The following SP110 variants were observed in gnomAD, a reference collection of about 807,000 sequenced individuals.
SP110 encodes the protein interferon-induced protein 41, 30kD.
In SP110, 62 loss-of-function variants were observed where a neutral mutation model predicts 92.7. The ratio of observed to expected loss-of-function variants is 0.67; its 90% CI spans 0.55 to 0.83. The LOEUF (loss-of-function observed/expected upper bound fraction) is 0.83. Among genes scored for constraint, SP110 ranks in the 40% least tolerant of loss-of-function variants. The probability of loss-of-function intolerance (pLI) is 0.00; values close to 1 mark genes in which losing one functional copy is unlikely to be tolerated. For synonymous variants in SP110, 273 were observed against 305.3 expected, an observed-to-expected ratio of 0.89 and a Z score of 1.10; for missense variants, 793 against 863.9, an observed-to-expected ratio of 0.92 and a Z score of 1.03.
chr2:230,200,236 A>G (rs1285932723), intron 10 of SP110, among the ~76,000 whole-genome samples: 1 of 152,204 alleles, frequency 6.6e-6, no homozygotes, highest in Non-Finnish European at 1.5e-5. Context: ...TTTTGTGACA[A>G]TGACCATATC....
At chr2:230,210,145 C>T in intron 6 of SP110, 137 bp from the exon 7 acceptor site, 3 of 742,086 alleles carry the variant, frequency 4.0e-6, no homozygotes, top group Non-Finnish European at 7.4e-6. Context: ...TAAGAATTCC[C>T]TGGCTCTGTC....
intron 7 of SP110, among the ~76,000 whole-genome samples, chr2:230,208,750 G>A (rs113390243): frequency 6.6e-6 from 1 of 152,238 alleles, no homozygotes; most frequent in Non-Finnish European, 1.5e-5. Flanking sequence ...ACTCTGCCCT[G>A]CTGTGGAACT....
intron 7 of SP110, among the ~76,000 whole-genome samples, 159 bp from the exon 8 acceptor site, chr2:230,208,218 G>T (rs2044089860): frequency 6.6e-6 from 1 of 152,182 alleles, no homozygotes; most frequent in African/African-American, 2.4e-5. Context: ...GGGGAAGAAG[G>T]ACTCTAAAAT....
chr2:230,175,133 G>A (rs2041798363), intron 14 of SP110, among the ~76,000 whole-genome samples: 2 of 152,064 alleles, frequency 1.3e-5, no homozygotes, highest in South Asian at 2.1e-4. Context: ...ATATGTCCCT[G>A]TGATCTCATC....
In SP110 at chr2:230,170,668, C is replaced by G; in HGVS notation, c.1981G>C (p.Val661Leu). 1 of 1,614,156 alleles carries G rather than the reference C, an allele frequency of 6.2e-7. No individual in the cohort carries two copies. Among genetic ancestry groups the G allele is most frequent in the Non-Finnish European group, 8.5e-7 (1 of 1,180,020 alleles). Residue 661 changes from valine (V) to leucine (L), a missense_variant, in exon 18 of 19, where the codon GTG becomes CTG. Val to Leu is a conservative substitution (Grantham distance 32, BLOSUM62 1). Transcript: ENST00000258381. The stretch of plus-strand genomic sequence containing the variant: ...CGAAACATCAGGCGCATGTCTCGCA[C>G]AAACCATGCCACCGTGTACATTTCC... ...ITEMYTVAWF[V>L]RDMRLMFRNH...
Position 230,186,016 on chromosome 2 carries a change from A to G in SP110, c.1257T>C (p.Cys419=), listed in dbSNP as rs1316923415. ...TACCTTTCAATCTGGACTTTCGGGC[A>G]CATTTAGTTCTTGCCTTTTGGACCC... ...MMRVQKARTK[C]ARKSRLKEKK... is the part of the protein sequence containing the mutation. The change falls in exon 11 of 19, where the codon TGT becomes TGC. Residue 419 remains cysteine (C), a synonymous_variant. Transcript: ENST00000258381. The G allele has an allele frequency of 6.2e-7, 1 of 1,614,016 alleles. No individual in the cohort carries two copies. The highest frequency in any genetic ancestry group is 1.3e-5 in the African/African-American group (1 of 74,902).
At chr2:230,194,123 A>G (rs2042756492) in intron 10 of SP110, among the ~76,000 whole-genome samples, 1 of 152,124 alleles carries the variant, frequency 6.6e-6, no homozygotes, top group African/African-American at 2.4e-5. Flanking sequence ...AGATTGAGGC[A>G]TGCTGGGAAC....
chr2:230,173,861 G>C (rs990349370), intron 14 of SP110: 1 of 152,192 alleles, frequency 6.6e-6, no homozygotes, highest in Non-Finnish European at 1.5e-5. Context: ...TATTTCAACA[G>C]ATCTCAGCTG....
chr2:230,197,366 C>A (rs1360120585), intron 10 of SP110, among the ~76,000 whole-genome samples: 1 of 151,382 alleles, frequency 6.6e-6, no homozygotes, highest in Non-Finnish European at 1.5e-5. Flanking sequence ...TGTTCATATC[C>A]TTCGCCCACT....
upstream of SP110, among the ~76,000 whole-genome samples, chr2:230,221,194 T>C (rs972414097): frequency 5.3e-5 from 8 of 151,734 alleles, no homozygotes; most frequent in Non-Finnish European, 1.0e-4. Context: ...GGCAGGAGAA[T>C]TGCTTGAACC....
intron 14 of SP110, 80 bp from the exon 15 acceptor site, chr2:230,173,039 C>CTGTGGG: frequency 2.1e-6 from 2 of 955,604 alleles, no homozygotes; most frequent in South Asian, 2.7e-5. Flanking sequence ...TAGAACACAT[C>CTGTGGG]ATTTTTGTGT....
chr2:230,170,057 T>C (rs775164225), intron 18 of SP110, among the ~76,000 whole-genome samples: 2 of 152,106 alleles, frequency 1.3e-5, no homozygotes, highest in African/African-American at 2.4e-5. Context: ...CAAGTGAGGA[T>C]AAAAATCAGG....
chr2:230,200,188 G>A (rs1029447633), intron 10 of SP110, among the ~76,000 whole-genome samples: 1 of 152,106 alleles, frequency 6.6e-6, no homozygotes, highest in East Asian at 1.9e-4. Context: ...GATATTTGTT[G>A]TTTGAAAATC....
At chr2:230,187,708 G>A (rs562470706) in intron 10 of SP110, among the ~76,000 whole-genome samples, 1 of 152,122 alleles carries the variant, frequency 6.6e-6, no homozygotes, top group Admixed American at 6.6e-5. Context: ...TCTTTTACAT[G>A]TGGCTAACCA....
At chr2:230,182,998 T>C (rs919743088) in intron 12 of SP110, among the ~76,000 whole-genome samples, 2 of 152,200 alleles carry the variant, frequency 1.3e-5, no homozygotes, top group South Asian at 4.1e-4. Flanking sequence ...TAGCACCTAT[T>C]ATACTTTGAT....
At chr2:230,205,086 T>G (rs749866764) in intron 8 of SP110, among the ~76,000 whole-genome samples, 36 of 152,166 alleles carry the variant, frequency 2.4e-4, no homozygotes, top group Non-Finnish European at 4.7e-4. Flanking sequence ...GGACAAGATT[T>G]AAGCATGGAA....
intron 14 of SP110, chr2:230,173,198 C>T (rs1295953215): frequency 4.1e-6 from 2 of 485,464 alleles, no homozygotes; most frequent in Non-Finnish European, 7.8e-6. Flanking sequence ...CTGTGGCTTG[C>T]CAACAGGTTC....
intron 11 of SP110, among the ~76,000 whole-genome samples, chr2:230,184,370 CA>C (rs2042261646): frequency 1.3e-5 from 2 of 152,016 alleles, no homozygotes; most frequent in African/African-American, 4.8e-5. Flanking sequence ...ATTTTGCTCT[CA>C]GGGGATATCT....
intron 15 of SP110, 72 bp downstream of exon 15, chr2:230,172,772 C>A: frequency 9.7e-7 from 1 of 1,031,284 alleles, no homozygotes; most frequent in Non-Finnish European, 1.5e-6. Context: ...TCGTCCCCGA[C>A]GCTCACAGGT....
Sources: gnomAD v4.1 joint callset for allele counts (sites outside exome capture counted in the v4.1 genomes callset) on GRCh38, gnomAD v4.1.1 for gene constraint, MANE v1.5 for transcripts, NCBI Gene and HGNC (gene_info 2026-07-23, HGNC 2026-07-21) for gene names.